The following RARS2 variants were observed in gnomAD, a reference collection of about 807,000 sequenced individuals.
RARS2 encodes probable arginine--tRNA ligase, mitochondrial.
In RARS2, 67 loss-of-function variants were observed where a neutral mutation model predicts 88.5. The observed-to-expected ratio is 0.76, with a 90% confidence interval of 0.62 to 0.93. The LOEUF (loss-of-function observed/expected upper bound fraction) is 0.93, where lower values mean the gene tolerates loss of function less well. RARS2 is among the 40% of genes least tolerant of loss of function. RARS2 has a pLI of 0.00. For synonymous variants in RARS2, 239 were observed against 230.3 expected (o/e 1.04, Z -0.34); for missense variants, 664 against 684.2 (o/e 0.97, Z 0.33).
chr6:87,543,179 T>C (rs1781557558), intron 7 of RARS2, among the ~76,000 whole-genome samples: 1 of 151,902 alleles, frequency 6.6e-6, no homozygotes, highest in African/African-American at 2.4e-5. Context: ...GGCACATGCC[T>C]GTAAACCCAG....
At chr6:87,586,689 G>A (rs959902634) in intron 1 of RARS2, among the ~76,000 whole-genome samples, 1 of 152,170 alleles carries the variant, frequency 6.6e-6, no homozygotes, top group Middle Eastern at 3.2e-3. Context: ...AAATGCATTT[G>A]CCATTGCACG....
intron 4 of RARS2, among the ~76,000 whole-genome samples, chr6:87,556,740 C>G (rs1342497405): frequency 7.1e-6 from 1 of 141,058 alleles, no homozygotes; most frequent in African/African-American, 2.7e-5. Flanking sequence ...TGCAGTAAGC[C>G]GAGATCGCGC....
At chr6:87,577,416 C>T (rs547416628) in intron 1 of RARS2, among the ~76,000 whole-genome samples, 2 of 152,216 alleles carry the variant, frequency 1.3e-5, no homozygotes, top group Admixed American at 1.3e-4. Context: ...AGGCTGGTCT[C>T]AAACTCCTGG....
chr6:87,520,359 A>C, intron 12 of RARS2, 103 bp from the exon 13 acceptor site: 1 of 907,804 alleles, frequency 1.1e-6, no homozygotes, highest in Non-Finnish European at 1.7e-6. Context: ...CTGACAGACT[A>C]AAGTCGTCAA....
At chr6:87,523,328 C>G (rs1309646774) in intron 11 of RARS2, among the ~76,000 whole-genome samples, 1 of 152,156 alleles carries the variant, frequency 6.6e-6, no homozygotes, top group Non-Finnish European at 1.5e-5. Context: ...AGTCCCAGGT[C>G]TCCAGCCTCA....
In RARS2 at chr6:87,564,252, C is replaced by A; in HGVS notation, c.111-20G>T. 1 of 1,528,160 alleles carries A rather than the reference C, an allele frequency of 6.5e-7. No homozygotes were observed. The highest frequency in any genetic ancestry group is 9.1e-7 in the Non-Finnish European group (1 of 1,102,694). The allele number at this position is 1,528,160 out of a possible 1,614,324, so 94.7% of individuals were successfully genotyped here. On this transcript the variant is annotated intron_variant, in intron 2 of 19. Coordinates refer to ENST00000369536, the MANE Select transcript of RARS2 (RefSeq NM_020320.5). ...ACTTCTCTAAAGACAGACATCGAAA[C>A]GAGATAGAACTGTTACCTTAAAAGC...
chr6:87,545,717 A>G lies in RARS2; in HGVS notation c.452-18T>C, dbSNP rs1283443875. ...AAAATTTCCTAGTAATCAATAAAGT[A>G]TATAGTTTCTCATTCTTGTTATCCA... On this transcript the variant is annotated intron_variant, in intron 6 of 19. Transcript: ENST00000369536. 2 of 1,609,784 alleles carry G rather than the reference A, an allele frequency of 1.2e-6. No homozygotes were observed. Among genetic ancestry groups the G allele is most frequent in the South Asian group, 2.2e-5 (2 of 90,722 alleles).
intron 1 of RARS2, among the ~76,000 whole-genome samples, chr6:87,588,164 A>T (rs550720608): frequency 3.5e-4 from 53 of 152,330 alleles, no homozygotes; most frequent in African/African-American, 1.2e-3. Flanking sequence ...AAGGGCTAAG[A>T]ATGGAAAACG....
At chr6:87,540,221 G>A (rs1582490217) in intron 8 of RARS2, among the ~76,000 whole-genome samples, 1 of 151,758 alleles carries the variant, frequency 6.6e-6, no homozygotes, top group Admixed American at 6.6e-5. Context: ...AGGCCGAGGT[G>A]GGCTGATCAT....
At position 87,514,368 on chromosome 6, in the gene RARS2, A is replaced by G. The variant is rs749383470; in HGVS notation, c.*45T>C. On this transcript the variant is annotated 3_prime_UTR_variant, in exon 20 of 20. Coordinates refer to ENST00000369536, the MANE Select transcript of RARS2 (RefSeq NM_020320.5). ...TGAACAGCAAGGCATCTCAGAATAG[A>G]TAACTAGAATTCACTTGACATTTTA... The G allele has an allele frequency of 5.9e-6, 8 of 1,352,378 alleles. 1 individual carries two copies. The South Asian group carries it at 8.2e-5, about 14-fold the overall frequency. The allele number at this position is 1,352,378 out of a possible 1,614,324, so 83.8% of individuals were successfully genotyped here.
rs1209840863 is a variant in RARS2 at position 87,554,015 on chromosome 6, C to G, written c.395+1393G>C. On this transcript the variant is annotated intron_variant, in intron 5 of 19. Coordinates refer to ENST00000369536, the MANE Select transcript of RARS2 (RefSeq NM_020320.5). ...TTTCTCTGATTGTCCAGGAGCTAATCATAACTAAGTTTAAAAGCTATTAAA... is the reference window on the plus strand; with the variant it reads ...TTTCTCTGATTGTCCAGGAGCTAATGATAACTAAGTTTAAAAGCTATTAAA... Among the ~76,000 whole-genome samples the G allele has an allele frequency of 7.9e-5, 12 of 152,074 alleles. 1 individual carries two copies. Among genetic ancestry groups the G allele is most frequent in the Admixed American group, 7.9e-4 (12 of 15,262 alleles).
At position 87,579,257 on chromosome 6, in the gene RARS2, A is replaced by G. The variant is rs535019320; in HGVS notation, c.37-9667T>C. ...AATGACCACCGGAAATCTTCAGGAA[A>G]ACCCGCCTGGCTCCCATGTGCAAAT... On this transcript the variant is annotated intron_variant, in intron 1 of 19. Coordinates refer to ENST00000369536, the MANE Select transcript of RARS2 (RefSeq NM_020320.5). Among the ~76,000 whole-genome samples the G allele has an allele frequency of 2.5e-3, 377 of 152,296 alleles. 2 individuals carry two copies. The highest frequency in any genetic ancestry group is 8.8e-3 in the African/African-American group (364 of 41,554).
rs1770820345 is a variant in RARS2 at position 87,514,328 on chromosome 6, A to AC, written c.*84_*85insG. The AC allele has an allele frequency of 1.5e-5, 15 of 981,124 alleles. No individual in the cohort carries two copies. The South Asian group carries it at 2.2e-4, about 15-fold the overall frequency. 60.8% of individuals were successfully genotyped at this position (981,124 alleles called of 1,614,324 possible). A position where few individuals can be genotyped will look rare whatever the true frequency, so the allele number is the denominator to read the frequency against. ...CTCCATCTCAAAAAAAAAAAAAAAA[A>AC]ATTTAAATTTATTCTGAACAGCAAG... On this transcript the variant is annotated 3_prime_UTR_variant, in exon 20 of 20. Transcript: ENST00000369536.
intron 4 of RARS2, among the ~76,000 whole-genome samples, chr6:87,555,732 C>A (rs554470972): frequency 6.6e-6 from 1 of 152,236 alleles, no homozygotes; most frequent in East Asian, 1.9e-4. Flanking sequence ...TTTTATACTC[C>A]ATGTCTATTC....
At chr6:87,539,035 C>CATAAATAAATAA (rs549298985) in intron 8 of RARS2, among the ~76,000 whole-genome samples, 4 of 140,204 alleles carry the variant, frequency 2.9e-5, no homozygotes, top group Non-Finnish European at 6.2e-5. Flanking sequence ...TCCTGTCTCA[C>CATAAATAAATAA]ATAAATAAAT....
At chr6:87,514,894 C>G in intron 19 of RARS2, 63 bp downstream of exon 19, 1 of 1,363,818 alleles carries the variant, frequency 7.3e-7, no homozygotes, top group Non-Finnish European at 1.1e-6. Context: ...ATTTACAAGA[C>G]TGACTTAGTA....
intron 7 of RARS2, among the ~76,000 whole-genome samples, chr6:87,544,426 A>G (rs1367518715): frequency 6.6e-6 from 1 of 152,252 alleles, no homozygotes; most frequent in African/African-American, 2.4e-5. Flanking sequence ...GAACATGCCT[A>G]GTAGGGCAGG....
At chr6:87,536,840 C>T (rs967438440) in intron 8 of RARS2, among the ~76,000 whole-genome samples, 2 of 151,748 alleles carry the variant, frequency 1.3e-5, no homozygotes, top group African/African-American at 4.8e-5. Flanking sequence ...GTTTTGTAAC[C>T]AAAAAAACCA....
At chr6:87,542,394 TA>T (rs1184066139) in intron 7 of RARS2, among the ~76,000 whole-genome samples, 1 of 152,150 alleles carries the variant, frequency 6.6e-6, no homozygotes, top group Non-Finnish European at 1.5e-5. Flanking sequence ...CAAAATTTAT[TA>T]AAAAAACTGA....
Sources: allele counts gnomAD v4.1 joint callset (sites outside exome capture counted in the v4.1 genomes callset), GRCh38; gene constraint gnomAD v4.1.1; transcripts MANE v1.5; gene names NCBI Gene and HGNC (gene_info 2026-07-23, HGNC 2026-07-21).